The following DIP2C variants were observed in gnomAD, a reference collection of about 807,000 sequenced individuals.
The protein encoded by DIP2C is DIP2 acetate--CoA ligase C (putative), also known as disco-interacting protein 2 homolog C.
DIP2C carries 33 observed loss-of-function variants against 192.4 expected under a neutral mutation model. That is an observed-to-expected ratio of 0.17 (90% confidence interval 0.13 to 0.23). The LOEUF is 0.23. DIP2C is among the 10% of genes least tolerant of loss of function. DIP2C has a pLI of 1.00. For synonymous variants in DIP2C, 979 were observed against 864.1 expected, an observed-to-expected ratio of 1.13 and a Z score of -2.33; for missense variants, 1,537 against 2,110.1, an observed-to-expected ratio of 0.73 and a Z score of 5.32.
At chr10:361,336 G>A (rs948609170) in intron 22 of DIP2C, among the ~76,000 whole-genome samples, 3 of 152,180 alleles carry the variant, frequency 2.0e-5, no homozygotes, top group African/African-American at 7.2e-5. Flanking sequence ...GCAGTGTGAG[G>A]TTGCTGGCTC....
chr10:617,130 G>C (rs902624307), intron 1 of DIP2C, among the ~76,000 whole-genome samples: 1 of 152,078 alleles, frequency 6.6e-6, no homozygotes, highest in African/African-American at 2.4e-5. Flanking sequence ...AGACCTCCCA[G>C]GCACTGCCTC....
At chr10:642,037 AAG>A (rs374587049) in intron 1 of DIP2C, among the ~76,000 whole-genome samples, 6 of 152,194 alleles carry the variant, frequency 3.9e-5, no homozygotes, top group African/African-American at 1.4e-4. Flanking sequence ...AAAGGAAAGA[AAG>A]AAAGAAATAC....
At chr10:292,086 A>T (rs1955521936) in intron 32 of DIP2C, among the ~76,000 whole-genome samples, 2 of 152,264 alleles carry the variant, frequency 1.3e-5, no homozygotes, top group Admixed American at 1.3e-4. Context: ...ACCTTCTGTG[A>T]GAGCACCTGC....
intron 4 of DIP2C, among the ~76,000 whole-genome samples, chr10:433,814 CTG>C (rs1200049627): frequency 6.6e-6 from 1 of 152,122 alleles, no homozygotes; most frequent in Admixed American, 6.5e-5. Context: ...TGCATTTAGA[CTG>C]ACATTGAAAG....
At chr10:513,619 C>T (rs1339328871) in intron 1 of DIP2C, among the ~76,000 whole-genome samples, 1 of 14,718 alleles carries the variant, frequency 6.8e-5, no homozygotes, top group African/African-American at 2.1e-4. Context: ...CCTTCCACAC[C>T]TTACCTGAAA....
chr10:516,980 G>A (rs932124992), intron 1 of DIP2C, among the ~76,000 whole-genome samples: 1 of 151,482 alleles, frequency 6.6e-6, no homozygotes, highest in African/African-American at 2.4e-5. Flanking sequence ...TCCCAGCAAT[G>A]GCCACAGGAA....
intron 1 of DIP2C, among the ~76,000 whole-genome samples, chr10:510,483 G>A (rs1845937033): frequency 6.6e-6 from 1 of 152,266 alleles, no homozygotes; most frequent in East Asian, 1.9e-4. Context: ...TTTCCCGCCT[G>A]GGGTTCTCGT....
rs572278592 is a variant in DIP2C at position 535,289 on chromosome 10, G to GA, written c.86-48760dup. The stretch of plus-strand genomic sequence containing the variant: ...GGTAAGAGTCAGGGCCAGGGGTGGG[G>GA]AGAGGAGACAAGCAGCAGGCGAGAG... On this transcript the variant is annotated intron_variant, in intron 1 of 36. Transcript: ENST00000280886. 1.8e-4 allele frequency among the ~76,000 whole-genome samples: 27 copies of GA among 152,054 alleles called. 1 individual carries two copies. The South Asian group carries it at 5.6e-3, about 32-fold the overall frequency.
Position 345,127 on chromosome 10 carries a change from A to G in DIP2C, c.3232-17T>C. On this transcript the variant is annotated splice_polypyrimidine_tract_variant and intron_variant, in intron 26 of 36. Transcript: ENST00000280886. ...GCGACTCACCTGGCATCAGAGAGCG[A>G]GAATGGAGCCATGAACGTGGACCCA... 3.1e-6 allele frequency: 5 copies of G among 1,604,870 alleles called. No individual in the cohort carries two copies. The highest frequency in any genetic ancestry group is 4.2e-6 in the Non-Finnish European group (5 of 1,177,080).
chr10:652,355 A>G lies in DIP2C; in HGVS notation c.85+37139T>C. The G allele has an allele frequency of 5.1e-6, 1 of 196,298 alleles. No homozygotes were observed. Among genetic ancestry groups the G allele is most frequent in the Non-Finnish European group, 1.1e-5 (1 of 93,158 alleles). 12.2% of individuals were successfully genotyped at this position (196,298 alleles called of 1,614,324 possible). On this transcript the variant is annotated intron_variant, in intron 1 of 36. Coordinates refer to ENST00000280886, the MANE Select transcript of DIP2C (RefSeq NM_014974.3). This position sits in a 1 kb window ranked among gnomAD's most constrained non-coding sequence, Gnocchi z 4.5. ...GGGCTCACCTCCCAGCCCGAGGCTGAGAACTGAGTTCCAGTCCCGGGGTGG... is the reference window on the plus strand; with the variant it reads ...GGGCTCACCTCCCAGCCCGAGGCTGGGAACTGAGTTCCAGTCCCGGGGTGG...
intron 1 of DIP2C, among the ~76,000 whole-genome samples, chr10:548,654 T>C (rs984474783): frequency 2.1e-5 from 3 of 141,028 alleles, no homozygotes; most frequent in African/African-American, 8.0e-5. Context: ...TGGCCAGAGG[T>C]GATGTGGCCG....
chr10:531,546 C>T (rs1159910953), intron 1 of DIP2C, among the ~76,000 whole-genome samples: 2 of 152,134 alleles, frequency 1.3e-5, no homozygotes, highest in Non-Finnish European at 2.9e-5. Flanking sequence ...ACCAAAGGTT[C>T]AGGGCCCCCC....
At chr10:414,737 GTGTACATA>G (rs1320721203) in intron 7 of DIP2C, among the ~76,000 whole-genome samples, 2 of 55,780 alleles carry the variant, frequency 3.6e-5, no homozygotes, top group African/African-American at 1.1e-4. Flanking sequence ...GTGTGTGTGT[GTGTACATA>G]TATATATATA....
At chr10:454,149 T>G (rs1370324909) in intron 3 of DIP2C, among the ~76,000 whole-genome samples, 3 of 152,220 alleles carry the variant, frequency 2.0e-5, no homozygotes. Context: ...CTGCTGTGGC[T>G]GCTAACAGTT....
intron 5 of DIP2C, 38 bp from the exon 6 acceptor site, chr10:419,237 T>A (rs768917019): frequency 6.2e-7 from 1 of 1,613,326 alleles, no homozygotes; most frequent in South Asian, 1.1e-5. Context: ...CTGGTGGTTG[T>A]GATGTTTGCT....
In DIP2C at chr10:617,936, G is replaced by A. The variant is rs534872440; in HGVS notation, c.85+71558C>T. On this transcript the variant is annotated intron_variant, in intron 1 of 36. Coordinates refer to ENST00000280886, the MANE Select transcript of DIP2C (RefSeq NM_014974.3). ...AAATCCACTTTGACTTCCCTGCACT[G>A]CAGGTGTGACAATTTAGGAATCCTG... is the stretch of plus-strand genomic sequence containing the variant. Among the ~76,000 whole-genome samples the A allele has an allele frequency of 3.9e-5, 6 of 152,248 alleles. No individual in the cohort carries two copies. In the South Asian group the frequency reaches 1.2e-3, roughly 32 times the overall value.
Position 532,686 on chromosome 10 carries a change from T to TGAGAGAGTATGGGTGTGA in DIP2C, c.86-46174_86-46157dup, listed in dbSNP as rs1564824798. Among the ~76,000 whole-genome samples the TGAGAGAGTATGGGTGTGA allele has an allele frequency of 7.7e-3, 305 of 39,578 alleles. 15 individuals carry two copies. Among genetic ancestry groups the TGAGAGAGTATGGGTGTGA allele is most frequent in the Middle Eastern group, 0.015 (1 of 68 alleles). 26.0% of individuals were successfully genotyped at this position (39,578 alleles called of 152,430 possible). A position where few individuals can be genotyped will look rare whatever the true frequency, so the allele number is the denominator to read the frequency against. ...ATGGGTGTGAGAGAGAGTATGGGTG[T>TGAGAGAGTATGGGTGTGA]GAGAGAGTATGGGTGTGAGAGAGAG... On this transcript the variant is annotated intron_variant, in intron 1 of 36. Transcript: ENST00000280886.
intron 31 of DIP2C, among the ~76,000 whole-genome samples, chr10:320,649 T>C (rs997603292): frequency 2.6e-5 from 4 of 151,986 alleles, no homozygotes; most frequent in African/African-American, 9.7e-5. Context: ...CTGAGTGTGG[T>C]GGCTCACGCC....
intron 1 of DIP2C, among the ~76,000 whole-genome samples, chr10:641,059 A>G (rs1360894116): frequency 6.6e-6 from 1 of 151,946 alleles, no homozygotes; most frequent in Non-Finnish European, 1.5e-5. Flanking sequence ...GCACATTGAG[A>G]CTTTTTATTC....
Sources: allele counts gnomAD v4.1 joint callset (sites outside exome capture counted in the v4.1 genomes callset), GRCh38; gene constraint gnomAD v4.1.1; non-coding constraint Gnocchi (gnomAD v3.1); transcripts MANE v1.5; gene names NCBI Gene and HGNC (gene_info 2026-07-23, HGNC 2026-07-21).